The following AKAP9 variants were observed in gnomAD, a reference collection of about 807,000 sequenced individuals.
AKAP9 encodes A-kinase anchoring protein 9, also known as A-kinase anchor protein 9.
A neutral mutation model predicts 488.5 loss-of-function variants in AKAP9; 311 were observed. The observed-to-expected ratio is 0.64, with a 90% confidence interval of 0.58 to 0.70. The LOEUF (loss-of-function observed/expected upper bound fraction) is 0.70, where lower values mean the gene tolerates loss of function less well. Ranked by LOEUF, AKAP9 falls within the 30% of genes least tolerant of loss-of-function variation. The probability of loss-of-function intolerance (pLI) is 0.00; values close to 1 mark genes in which losing one functional copy is unlikely to be tolerated. For synonymous variants in AKAP9, 1,462 were observed against 1,483.5 expected (o/e 0.99, Z 0.33); for missense variants, 4,215 against 4,374.5 (o/e 0.96, Z 1.03).
chr7:92,064,650 T>C (rs762581908), intron 24 of AKAP9, among the ~76,000 whole-genome samples: 10 of 152,216 alleles, frequency 6.6e-5, no homozygotes, highest in Non-Finnish European at 1.3e-4. Flanking sequence ...TTTCCCTTGA[T>C]TCACATACAT....
intron 8 of AKAP9, among the ~76,000 whole-genome samples, chr7:92,003,550 T>C (rs371397308): frequency 1.3e-5 from 2 of 152,106 alleles, no homozygotes; most frequent in South Asian, 4.1e-4. Flanking sequence ...AGAAAAGTTA[T>C]TAATTTCATT....
Position 92,083,322 on chromosome 7 carries a change from T to G in AKAP9, c.8313T>G (p.Pro2771=). ...SKKACMFEPL[P]IKLSKSIASQ... ...AGGCCTGCATGTTTGAGCCACTTCC[T>G]ATAAAACTGAGTAAGAGCATTGCAT... The change falls in exon 33 of 50, where the codon CCT becomes CCG. Residue 2771 remains proline, a synonymous_variant. Coordinates refer to ENST00000356239, the MANE Select transcript of AKAP9 (RefSeq NM_005751.5). 6.2e-7 allele frequency: 1 copy of G among 1,614,128 alleles called. No individual in the cohort carries two copies.
chr7:92,076,880 AAC>A lies in AKAP9; in HGVS notation c.6640_6641del (p.Gln2214ValfsTer2). ...ATTACAAACTTAGAAGAGCAATTAG[AAC>A]AGTTTAGAGAAGAACTGGAAAATAA... On this transcript the variant is annotated frameshift_variant, in exon 29 of 50. Transcript: ENST00000356239. LOFTEE classifies it high-confidence loss of function. The A allele has an allele frequency of 6.7e-7, 1 of 1,486,852 alleles. No individual in the cohort carries two copies. The highest frequency in any genetic ancestry group is 9.2e-7 in the Non-Finnish European group (1 of 1,082,682). The allele number at this position is 1,486,852 out of a possible 1,614,324, so 92.1% of individuals were successfully genotyped here. A position where few individuals can be genotyped will look rare whatever the true frequency, so the allele number is the denominator to read the frequency against.
chr7:92,098,585 T>C (rs1327606528), intron 43 of AKAP9, among the ~76,000 whole-genome samples: 1 of 152,222 alleles, frequency 6.6e-6, no homozygotes, highest in African/African-American at 2.4e-5. Flanking sequence ...GACTTCTTTG[T>C]AGCATTTGAT....
intron 21 of AKAP9, among the ~76,000 whole-genome samples, chr7:92,050,407 G>A (rs1273711602): frequency 1.3e-5 from 2 of 152,030 alleles, no homozygotes; most frequent in Non-Finnish European, 2.9e-5. Flanking sequence ...TTTGACAACT[G>A]GGAGGTCAGT....
intron 1 of AKAP9, among the ~76,000 whole-genome samples, chr7:91,954,071 A>AGGTCAGT (rs1792632334): frequency 6.6e-6 from 1 of 152,166 alleles, no homozygotes; most frequent in African/African-American, 2.4e-5. Context: ...TTTCAGAGGA[A>AGGTCAGT]GGTCAGTGTA....
chr7:92,047,771 G>A (rs933505427), intron 21 of AKAP9, among the ~76,000 whole-genome samples: 14 of 152,252 alleles, frequency 9.2e-5, no homozygotes, highest in Non-Finnish European at 1.8e-4. Context: ...ATTGAGATAA[G>A]AGAAAAAGCT....
At chr7:92,033,394 A>G (rs953067212) in intron 16 of AKAP9, among the ~76,000 whole-genome samples, 2 of 151,416 alleles carry the variant, frequency 1.3e-5, no homozygotes, top group Admixed American at 6.6e-5. Flanking sequence ...TGTACCCCTC[A>G]GATATGATAG....
At chr7:91,970,939 C>A (rs982073481) in intron 1 of AKAP9, among the ~76,000 whole-genome samples, 3 of 151,914 alleles carry the variant, frequency 2.0e-5, no homozygotes, top group African/African-American at 7.3e-5. Flanking sequence ...GATTTCTACC[C>A]CCTTGCATTA....
At chr7:92,047,981 T>C (rs1200784211) in intron 21 of AKAP9, among the ~76,000 whole-genome samples, 1 of 152,160 alleles carries the variant, frequency 6.6e-6, no homozygotes, top group African/African-American at 2.4e-5. Flanking sequence ...GGATCCATCT[T>C]GCATCTTTAA....
At chr7:91,984,150 T>C (rs1436222590) in intron 3 of AKAP9, among the ~76,000 whole-genome samples, 1 of 152,230 alleles carries the variant, frequency 6.6e-6, no homozygotes, top group Middle Eastern at 3.2e-3. Flanking sequence ...ATCCCATTTG[T>C]CTATTTTGGC....
At chr7:92,019,252 C>T (rs1801980083) in intron 12 of AKAP9, among the ~76,000 whole-genome samples, 1 of 151,940 alleles carries the variant, frequency 6.6e-6, no homozygotes, top group South Asian at 2.1e-4. Context: ...AGCGATTCTC[C>T]TGCCTCAGCC....
At chr7:92,035,067 T>A (rs1772800155) in intron 16 of AKAP9, among the ~76,000 whole-genome samples, 1 of 152,278 alleles carries the variant, frequency 6.6e-6, no homozygotes, top group South Asian at 2.1e-4. Context: ...ATGCATTTAA[T>A]GCTATACTCG....
chr7:91,968,266 G>A (rs1370061181), intron 1 of AKAP9, among the ~76,000 whole-genome samples: 1 of 152,070 alleles, frequency 6.6e-6, no homozygotes, highest in Admixed American at 6.6e-5. Flanking sequence ...TTTTATTAAG[G>A]CTTTGATTTC....
In AKAP9 at chr7:92,097,020, A is replaced by G. The variant is rs200596189; in HGVS notation, c.10061A>G (p.Glu3354Gly). ...AAAGAGCTGCAGAAACAGCTAGAGG[A>G]AAAACACAGTCGCATAGTAGAATTG... is the stretch of plus-strand genomic sequence containing the variant. ...LLKELQKQLEEKHSRIVELLN... is the reference protein window; with the variant it reads ...LLKELQKQLEGKHSRIVELLN... Residue 3354 changes from glutamate (E) to glycine (G), a missense_variant, in exon 41 of 50, where the codon GAA (glutamate) becomes GGA (glycine). Glu to Gly is a moderately conservative substitution (Grantham distance 98). Around this residue, in one of 5 missense-constraint regions of AKAP9, gnomAD observed 1,476 missense variants for 1,477.4 expected, o/e 1.00. Transcript: ENST00000356239. 13 of 1,614,242 alleles carry G rather than the reference A, an allele frequency of 8.1e-6. No homozygotes were observed. The African/African-American group carries it at 1.6e-4, about 20-fold the overall frequency.
At position 92,099,843 on chromosome 7, in the gene AKAP9, C is replaced by T. The variant is rs1196642937; in HGVS notation, c.10870C>T (p.Arg3624Ter). 1.9e-6 allele frequency: 3 copies of T among 1,613,886 alleles called. No homozygotes were observed. The highest frequency in any genetic ancestry group is 2.2e-5 in the East Asian group (1 of 44,872). ...GCTGGAAGAGCAGATCAGGTGGTAT[C>T]GACAGACAGGAGCTGGTAGAGATAA... ...MKLEEQIRWY[R>*]QTGAGRDNSS... The change falls in exon 44 of 50, where the codon CGA becomes TGA. Residue 3624 changes from arginine (R) to a stop codon, truncating the protein, a stop_gained. Transcript: ENST00000356239. LOFTEE classifies it high-confidence loss of function.
chr7:91,965,764 G>C (rs1461792247), intron 1 of AKAP9, among the ~76,000 whole-genome samples: 3 of 152,110 alleles, frequency 2.0e-5, no homozygotes, highest in Non-Finnish European at 2.9e-5. Flanking sequence ...GTTTTGATTT[G>C]CAATTCTCTG....
intron 3 of AKAP9, among the ~76,000 whole-genome samples, chr7:91,986,984 T>C (rs1797177278): frequency 1.3e-5 from 2 of 151,992 alleles, no homozygotes; most frequent in African/African-American, 4.8e-5. Context: ...AAACAAGTTT[T>C]TGGAAAGATA....
Position 92,079,856 on chromosome 7 carries a change from C to A in AKAP9, c.7723C>A (p.Gln2575Lys). 1 of 1,614,012 alleles carries A rather than the reference C, an allele frequency of 6.2e-7. No individual in the cohort carries two copies. Among genetic ancestry groups the A allele is most frequent in the South Asian group, 1.1e-5 (1 of 91,058 alleles). The change falls in exon 31 of 50, where the codon CAA becomes AAA. Residue 2575 changes from glutamine (Q) to lysine (K), a missense_variant. By Grantham distance (53) the Gln-to-Lys change is moderately conservative. Coordinates refer to ENST00000356239, the MANE Select transcript of AKAP9 (RefSeq NM_005751.5). ...QEYAKFCQDNQTISSEPERTN... is the reference protein window; with the variant it reads ...QEYAKFCQDNKTISSEPERTN... Reference sequence around the variant, plus strand: ...ATATGCAAAATTCTGTCAAGATAATCAAACAATTTCATCAGAACCTGAAAG... The same window carrying A: ...ATATGCAAAATTCTGTCAAGATAATAAAACAATTTCATCAGAACCTGAAAG...
Sources: allele counts gnomAD v4.1 joint callset (sites outside exome capture counted in the v4.1 genomes callset), GRCh38; gene constraint gnomAD v4.1.1; regional missense constraint gnomAD v4.1.1; transcripts MANE v1.5; gene names NCBI Gene and HGNC (gene_info 2026-07-23, HGNC 2026-07-21).